Variants in SDC3 observed in about 807,000 individuals in gnomAD.
SDC3 encodes the protein syndecan 3, also known as syndecan-3.
In SDC3, 13 loss-of-function variants were observed where a neutral mutation model predicts 24.4. The observed-to-expected ratio is 0.53, with a 90% CI of 0.35 to 0.85. SDC3 has a LOEUF of 0.85. SDC3 is among the 40% of genes least tolerant of loss of function. The pLI is 0.01. For synonymous variants in SDC3, 295 were observed against 260.9 expected (o/e 1.13, Z -1.26); for missense variants, 571 against 584.5 (o/e 0.98, Z 0.24).
Position 30,878,694 on chromosome 1 carries a change from T to C in SDC3, c.185A>G (p.Glu62Gly). 2.5e-6 allele frequency: 4 copies of C among 1,614,158 alleles called. No individual in the cohort carries two copies. Among genetic ancestry groups the C allele is most frequent in the Non-Finnish European group, 2.5e-6 (3 of 1,180,008 alleles). The change falls in exon 2 of 5, where the codon GAG becomes GGG. Residue 62 changes from glutamate to glycine, a missense_variant. Glu to Gly is a moderately conservative substitution (Grantham distance 98). Coordinates refer to ENST00000339394, the MANE Select transcript of SDC3 (RefSeq NM_014654.4). ...AAAGGAGTCATCATCCCCAGAGCCCTCCAGGTCCACGGGTCTCTCGAAGTT... is the reference window on the plus strand; with the variant it reads ...AAAGGAGTCATCATCCCCAGAGCCCCCCAGGTCCACGGGTCTCTCGAAGTT... ...SENFERPVDL[E>G]GSGDDDSFPD...
chr1:30,896,233 GA>G (rs1178773274), intron 1 of SDC3, among the ~76,000 whole-genome samples: 6 of 152,190 alleles, frequency 3.9e-5, no homozygotes, highest in African/African-American at 1.4e-4. Context: ...AGAATTTGGG[GA>G]AATGTAACAA....
chr1:30,879,238 C>G (rs1440734935), intron 1 of SDC3, among the ~76,000 whole-genome samples: 1 of 152,082 alleles, frequency 6.6e-6, no homozygotes, highest in African/African-American at 2.4e-5. Flanking sequence ...CTTCATATCC[C>G]CAGCCTCAAC....
intron 1 of SDC3, among the ~76,000 whole-genome samples, chr1:30,899,450 C>T (rs1268984577): frequency 1.3e-5 from 2 of 152,226 alleles, no homozygotes; most frequent in East Asian, 3.8e-4. Flanking sequence ...TCTCGGCTCA[C>T]TGCAACCTCC....
chr1:30,907,160 C>T (rs2124348809), intron 1 of SDC3, among the ~76,000 whole-genome samples: 2 of 152,320 alleles, frequency 1.3e-5, no homozygotes, highest in South Asian at 4.1e-4. Context: ...GGCCTGGGTC[C>T]TTTTCAGCCT....
At position 30,870,164 on chromosome 1, in the gene SDC3, C is replaced by T. The variant is rs917983536; in HGVS notation, c.*3047G>A. ...GGCCCCCACCAGGAGGCCTGACAGG[C>T]GGCTTTGCCAACCCCAGGGGGGTTT... On this transcript the variant is annotated 3_prime_UTR_variant, in exon 5 of 5. Transcript: ENST00000339394. 11 of 364,896 alleles carry T rather than the reference C, an allele frequency of 3.0e-5. No homozygotes were observed. The highest frequency in any genetic ancestry group is 4.2e-5 in the African/African-American group (2 of 47,900). The allele number at this position is 364,896 out of a possible 1,614,324, so 22.6% of individuals were successfully genotyped here. A position where few individuals can be genotyped will look rare whatever the true frequency, so the allele number is the denominator to read the frequency against.
In SDC3 at chr1:30,871,741, A is replaced by T. The variant is rs553779915; in HGVS notation, c.*1470T>A. On this transcript the variant is annotated 3_prime_UTR_variant, in exon 5 of 5. Transcript: ENST00000339394. ...CCCCCTAGCTCAAAGCAGGAAGGGG[A>T]CACAGGGAGATAAAGGAGCCCAACC... The T allele has an allele frequency of 1.3e-5, 2 of 152,370 alleles. No individual in the cohort carries two copies. Among genetic ancestry groups the T allele is most frequent in the Non-Finnish European group, 2.9e-5 (2 of 68,142 alleles). The allele number at this position is 152,370 out of a possible 1,614,324, so 9.4% of individuals were successfully genotyped here.
chr1:30,907,862 C>A (rs539520426), intron 1 of SDC3, among the ~76,000 whole-genome samples: 2 of 152,336 alleles, frequency 1.3e-5, no homozygotes, highest in East Asian at 3.9e-4. Context: ...TGGCCGGCTG[C>A]CGCGACCCTG....
intron 1 of SDC3, among the ~76,000 whole-genome samples, chr1:30,904,660 G>C (rs1176786364): frequency 6.6e-6 from 1 of 152,094 alleles, no homozygotes; most frequent in Non-Finnish European, 1.5e-5. Context: ...CCCCAGTAGT[G>C]ATTCTAAAAG....
intron 1 of SDC3, among the ~76,000 whole-genome samples, chr1:30,899,635 G>T (rs1165289612): frequency 6.6e-6 from 1 of 152,210 alleles, no homozygotes; most frequent in Admixed American, 6.5e-5. Context: ...CTCCCAAAGT[G>T]CTGGGATTAC....
intron 1 of SDC3, among the ~76,000 whole-genome samples, chr1:30,885,676 A>T (rs1231931335): frequency 2.0e-5 from 3 of 152,220 alleles, no homozygotes; most frequent in Admixed American, 2.0e-4. Context: ...ACCGAGTCTC[A>T]CCACAGACAG....
At position 30,908,322 on chromosome 1, in the gene SDC3, C is replaced by T. The variant is rs1187767820; in HGVS notation, c.138+127G>A. The T allele has an allele frequency of 2.8e-5, 11 of 397,326 alleles. No individual in the cohort carries two copies. The Admixed American group carries it at 7.4e-4, about 27-fold the overall frequency. The allele number at this position is 397,326 out of a possible 1,614,324, so 24.6% of individuals were successfully genotyped here. A position where few individuals can be genotyped will look rare whatever the true frequency, so the allele number is the denominator to read the frequency against. ...GGTCGAGGGGTGGCAGGGACCGCGGCCCCGGGGGAAGCAGCCGGGGGGGAG... is the reference window on the plus strand; with the variant it reads ...GGTCGAGGGGTGGCAGGGACCGCGGTCCCGGGGGAAGCAGCCGGGGGGGAG... On this transcript the variant is annotated intron_variant, in intron 1 of 4. Coordinates refer to ENST00000339394, the MANE Select transcript of SDC3 (RefSeq NM_014654.4).
intron 1 of SDC3, among the ~76,000 whole-genome samples, chr1:30,901,812 G>GA (rs5773327): frequency 2.0e-5 from 3 of 151,934 alleles, no homozygotes; most frequent in Admixed American, 6.6e-5. Context: ...CAGGTGAATG[G>GA]AAAAAAAACA....
chr1:30,884,642 A>C (rs1278940594), intron 1 of SDC3, among the ~76,000 whole-genome samples: 1 of 152,030 alleles, frequency 6.6e-6, no homozygotes, highest in African/African-American at 2.4e-5. Flanking sequence ...GCCCTGGCTC[A>C]GGCGCCCACA....
chr1:30,903,601 C>T (rs924797849), intron 1 of SDC3, among the ~76,000 whole-genome samples: 1 of 152,098 alleles, frequency 6.6e-6, no homozygotes, highest in African/African-American at 2.4e-5. Flanking sequence ...ATCCCTCCCA[C>T]AGGGTGAGAC....
intron 1 of SDC3, among the ~76,000 whole-genome samples, chr1:30,901,595 T>C (rs570742761): frequency 2.0e-5 from 3 of 152,292 alleles, no homozygotes; most frequent in South Asian, 4.1e-4. Context: ...TCCTCTCATC[T>C]GGCTTAAGTC....
chr1:30,879,600 G>A (rs545163858), intron 1 of SDC3, among the ~76,000 whole-genome samples: 23 of 152,212 alleles, frequency 1.5e-4, no homozygotes, highest in Admixed American at 9.8e-4. Flanking sequence ...CAGCTCTCTG[G>A]CAAGCAGCCT....
intron 1 of SDC3, among the ~76,000 whole-genome samples, chr1:30,885,922 T>G (rs1639820349): frequency 6.6e-6 from 1 of 152,098 alleles, no homozygotes; most frequent in Non-Finnish European, 1.5e-5. Context: ...GGCCCCCTCC[T>G]CAACCCAGGG....
chr1:30,885,521 T>C (rs766074022), intron 1 of SDC3, among the ~76,000 whole-genome samples: 3 of 152,194 alleles, frequency 2.0e-5, no homozygotes, highest in Non-Finnish European at 4.4e-5. Context: ...TGGTGTTCTC[T>C]GGTCTGTGAA....
chr1:30,902,635 G>A (rs1481355391), intron 1 of SDC3, among the ~76,000 whole-genome samples: 1 of 152,206 alleles, frequency 6.6e-6, no homozygotes, highest in African/African-American at 2.4e-5. Flanking sequence ...GGCCTGGGCA[G>A]CTCCTGGCTC....
Sources: allele counts gnomAD v4.1 joint callset (sites outside exome capture counted in the v4.1 genomes callset), GRCh38; gene constraint gnomAD v4.1.1; transcripts MANE v1.5; gene names NCBI Gene and HGNC (gene_info 2026-07-23, HGNC 2026-07-21).